VSTM2B: variants seen among roughly 807,000 people sequenced by gnomAD.
VSTM2B encodes V-set and transmembrane domain containing 2B.
VSTM2B carries 24 observed loss-of-function variants against 24.0 expected under a neutral mutation model. The ratio of observed to expected loss-of-function variants is 1.00; its 90% CI spans 0.72 to 1.40. The LOEUF is 1.40. Ranked by LOEUF, VSTM2B falls within the 40% of genes most tolerant of loss-of-function variation. The pLI, the probability that VSTM2B is intolerant of heterozygous loss-of-function variation, is 0.00. For missense variants in VSTM2B, 399 were observed against 416.4 expected (o/e 0.96, Z 0.36); for synonymous variants, 226 against 194.4 (o/e 1.16, Z -1.35).
At position 29,527,380 on chromosome 19, in the gene VSTM2B, G is replaced by A. The variant is rs1425217006; in HGVS notation, c.252G>A (p.Pro84=). 1.3e-6 allele frequency: 2 copies of A among 1,539,362 alleles called. No homozygotes were observed. The highest frequency in any genetic ancestry group is 1.7e-6 in the Non-Finnish European group (2 of 1,143,800). Residue 84 remains proline (P), a synonymous_variant, in exon 2 of 5, where the codon CCG becomes CCA. Transcript: ENST00000335523. ...TGCACGAGCTGGCGCTCAGCGTGCC[G>A]GGCGCCCGGAGCAAGGTAACCCGCC... The part of the protein sequence containing the change: ...ELLHELALSV[P]GARSKVTNKD...
At chr19:29,556,742 A>G (rs1000811763) in intron 4 of VSTM2B, among the ~76,000 whole-genome samples, 4 of 152,224 alleles carry the variant, frequency 2.6e-5, no homozygotes, top group Admixed American at 6.5e-5. Context: ...GCAACAATAG[A>G]CAAAAAGAGA....
At chr19:29,539,349 A>G (rs866059621) in intron 4 of VSTM2B, among the ~76,000 whole-genome samples, 21 of 152,082 alleles carry the variant, frequency 1.4e-4, no homozygotes, top group African/African-American at 5.1e-4. Flanking sequence ...TTCGGGTGGC[A>G]AGGAGAAGCT....
intron 4 of VSTM2B, among the ~76,000 whole-genome samples, chr19:29,562,507 G>A (rs1443657410): frequency 2.6e-5 from 4 of 152,192 alleles, no homozygotes; most frequent in African/African-American, 9.6e-5. Context: ...TCACAGGCAC[G>A]GGGCTGCAGC....
upstream of VSTM2B, chr19:29,525,741 G>A (rs567763014): frequency 3.5e-4 from 54 of 152,884 alleles, no homozygotes; most frequent in South Asian, 3.7e-3. Flanking sequence ...GAGCCGTGCA[G>A]ACTGGGAAGA....
At position 29,530,685 on chromosome 19, in the gene VSTM2B, G is replaced by C. The variant is rs983744594; in HGVS notation, c.769+395G>C. Among the ~76,000 whole-genome samples the C allele has an allele frequency of 1.1e-3, 165 of 152,252 alleles. 2 individuals carry two copies. Among genetic ancestry groups the C allele is most frequent in the East Asian group, 1.2e-3 (6 of 5,142 alleles). On this transcript the variant is annotated intron_variant, in intron 4 of 4. Coordinates refer to ENST00000335523, the MANE Select transcript of VSTM2B (RefSeq NM_001146339.2). ...TGGTGGAAATGAGCTATCCCCAGAT[G>C]GGGGCACTGGCACCTGCTGGAGAGC...
intron 3 of VSTM2B, chr19:29,529,225 G>A (rs1165372965): frequency 1.3e-6 from 1 of 760,606 alleles, no homozygotes; most frequent in Admixed American, 6.2e-5. Flanking sequence ...GTTGGTAGCA[G>A]GTGGCCAGGG....
At chr19:29,551,727 T>A (rs898755275) in intron 4 of VSTM2B, among the ~76,000 whole-genome samples, 13 of 152,146 alleles carry the variant, frequency 8.5e-5, no homozygotes, top group African/African-American at 2.9e-4. Flanking sequence ...TTTTGCACCT[T>A]AATCATGACA....
intron 4 of VSTM2B, among the ~76,000 whole-genome samples, chr19:29,535,539 A>G (rs955024219): frequency 6.6e-6 from 1 of 152,134 alleles, no homozygotes; most frequent in African/African-American, 2.4e-5. Flanking sequence ...TATTTCAATT[A>G]ATAATGAGAG....
At chr19:29,559,478 G>A (rs573057691) in intron 4 of VSTM2B, among the ~76,000 whole-genome samples, 3 of 152,310 alleles carry the variant, frequency 2.0e-5, no homozygotes, top group Non-Finnish European at 4.4e-5. Flanking sequence ...AAGGCTAGGG[G>A]AGGGATAGCA....
chr19:29,539,516 C>T lies in VSTM2B; in HGVS notation c.769+9226C>T, dbSNP rs78957516. Among the ~76,000 whole-genome samples the T allele has an allele frequency of 8.2e-3, 1,251 of 152,158 alleles. 18 individuals carry two copies. The highest frequency in any genetic ancestry group is 0.028 in the African/African-American group (1,154 of 41,498). ...GTGCCCGAAGTCCCCATCACTGGGG[C>T]CTTTACAGAGATAGAGTGAGAGAGA... On this transcript the variant is annotated intron_variant, in intron 4 of 4. Coordinates refer to ENST00000335523, the MANE Select transcript of VSTM2B (RefSeq NM_001146339.2).
intron 4 of VSTM2B, among the ~76,000 whole-genome samples, chr19:29,554,373 G>T (rs953240973): frequency 6.6e-6 from 1 of 152,142 alleles, no homozygotes; most frequent in Admixed American, 6.5e-5. Context: ...AAATGCTAAG[G>T]GAATTTATCA....
At chr19:29,527,138 C>G in intron 1 of VSTM2B, 73 bp from the exon 2 acceptor site, 2 of 1,346,744 alleles carry the variant, frequency 1.5e-6, no homozygotes, top group Non-Finnish European at 2.0e-6. Context: ...CAGAGACCGA[C>G]TGCCTCGCTT....
At position 29,557,945 on chromosome 19, in the gene VSTM2B, A is replaced by C. The variant is rs200913187; in HGVS notation, c.770-5901A>C. 5.3e-5 allele frequency among the ~76,000 whole-genome samples: 8 copies of C among 152,314 alleles called. No individual in the cohort carries two copies. The East Asian group carries it at 1.5e-3, about 29-fold the overall frequency. ...AGAATGGGAGAAAATTTTGCAATCT[A>C]TCCATCTGACAAAGGTCTGATATCC... On this transcript the variant is annotated intron_variant, in intron 4 of 4. Transcript: ENST00000335523.
At chr19:29,530,437 C>G (rs887647661) in intron 4 of VSTM2B, 147 bp downstream of exon 4, 68 of 665,294 alleles carry the variant, frequency 1.0e-4, no homozygotes, top group Non-Finnish European at 1.4e-4. Flanking sequence ...TCGGGAGCGC[C>G]CCCCCCAGGG....
intron 4 of VSTM2B, 94 bp downstream of exon 4, chr19:29,530,384 C>A: frequency 1.1e-5 from 13 of 1,180,728 alleles, no homozygotes; most frequent in Non-Finnish European, 1.2e-5. Flanking sequence ...CCAGGACCCG[C>A]CCCCTGGGCG....
At chr19:29,557,165 T>A (rs1255820722) in intron 4 of VSTM2B, among the ~76,000 whole-genome samples, 1 of 152,054 alleles carries the variant, frequency 6.6e-6, no homozygotes, top group Non-Finnish European at 1.5e-5. Context: ...AACAGCATGG[T>A]ACAAAAACTG....
intron 4 of VSTM2B, among the ~76,000 whole-genome samples, chr19:29,562,594 C>A (rs1453534799): frequency 6.6e-6 from 1 of 152,152 alleles, no homozygotes; most frequent in African/African-American, 2.4e-5. Flanking sequence ...CTGAAAACTG[C>A]ATCCATTCAT....
intron 4 of VSTM2B, 150 bp downstream of exon 4, chr19:29,530,440 C>T: frequency 3.1e-6 from 2 of 642,782 alleles, no homozygotes; most frequent in South Asian, 2.6e-5. Flanking sequence ...GGAGCGCCCC[C>T]CCCAGGGCCT....
intron 4 of VSTM2B, among the ~76,000 whole-genome samples, chr19:29,547,503 G>A (rs973359761): frequency 6.6e-6 from 1 of 152,154 alleles, no homozygotes; most frequent in Non-Finnish European, 1.5e-5. Flanking sequence ...ATCTGCTCTT[G>A]ACTAGAGGTC....
Sources: allele counts gnomAD v4.1 joint callset (sites outside exome capture counted in the v4.1 genomes callset), GRCh38; gene constraint gnomAD v4.1.1; transcripts MANE v1.5; gene names NCBI Gene and HGNC (gene_info 2026-07-23, HGNC 2026-07-21).